FAT1: variants seen among roughly 807,000 people sequenced by gnomAD.
The protein encoded by FAT1 is FAT atypical cadherin 1.
FAT1 carries 171 observed loss-of-function variants against 329.8 expected under a neutral mutation model. The ratio of observed to expected loss-of-function variants is 0.52; its 90% CI spans 0.46 to 0.59. The LOEUF (loss-of-function observed/expected upper bound fraction) is 0.59. FAT1 is among the 20% of genes least tolerant of loss of function. The pLI is 0.00. For missense variants in FAT1, 5,672 were observed against 5,774.4 expected (o/e 0.98, Z 0.57); for synonymous variants, 2,233 against 2,228.6 (o/e 1.00, Z -0.06).
chr4:186,701,459 T>C (rs1744306622), intron 2 of FAT1, among the ~76,000 whole-genome samples: 1 of 152,260 alleles, frequency 6.6e-6, no homozygotes, highest in East Asian at 1.9e-4. Flanking sequence ...TGCTGCCACT[T>C]CAGGGAGGAG....
chr4:186,723,773 T>C lies in FAT1; in HGVS notation c.-128A>G, dbSNP rs979570615. The stretch of plus-strand genomic sequence containing the variant: ...CCGGGGCCCTCGCCGGGCTCGCGCG[T>C]CCGCATGGTACCTGCCGCACGAGCC... On this transcript the variant is annotated 5_prime_UTR_variant, in exon 1 of 27. Transcript: ENST00000441802. 6.7e-6 allele frequency: 1 copy of C among 149,332 alleles called. No individual in the cohort carries two copies. The highest frequency in any genetic ancestry group is 1.5e-5 in the Non-Finnish European group (1 of 67,262). The allele number at this position is 149,332 out of a possible 1,614,324, so 9.3% of individuals were successfully genotyped here.
rs757372391 is a variant in FAT1, at chr4:186,620,159, G to A, written c.6427C>T (p.Leu2143Phe). ...AGATATTCTTTATTTAAGGTGTCAA[G>A]CTCAAATTGCTTTTTCAGTGAAATT... The part of the protein sequence containing the change: ...GEISLKKQFE[L>F]DTLNKEYLVT... Residue 2143 changes from leucine (L) to phenylalanine (F), a missense_variant, in exon 10 of 27, where the codon CTT becomes TTT. Leu to Phe is a conservative substitution (Grantham distance 22, BLOSUM62 0). Around this residue, in one of 2 missense-constraint regions of FAT1, gnomAD observed 3,966 missense variants for 3,915.2 expected, o/e 1.01. Coordinates refer to ENST00000441802, the MANE Select transcript of FAT1 (RefSeq NM_005245.4). 3.7e-6 allele frequency: 6 copies of A among 1,613,872 alleles called. No homozygotes were observed. Among genetic ancestry groups the A allele is most frequent in the Non-Finnish European group, 5.1e-6 (6 of 1,179,902 alleles).
At chr4:186,650,186 G>A (rs559326521) in intron 3 of FAT1, among the ~76,000 whole-genome samples, 2 of 152,326 alleles carry the variant, frequency 1.3e-5, no homozygotes, top group African/African-American at 2.4e-5. Context: ...GGATGCCTCG[G>A]CTCTGGAATG....
In FAT1 at chr4:186,617,935, T is replaced by G; in HGVS notation, c.8651A>C (p.Gln2884Pro). 1.2e-6 allele frequency: 2 copies of G among 1,614,036 alleles called. No homozygotes were observed. Among genetic ancestry groups the G allele is most frequent in the Non-Finnish European group, 1.7e-6 (2 of 1,179,888 alleles). ...ELDHEKRDNY[Q>P]IKVVASDHGE... is the part of the protein sequence containing the mutation. ...ATGATCTGATGCAACCACTTTAATC[T>G]GGTAATTGTCTCTCTTTTCATGGTC... is the stretch of plus-strand genomic sequence containing the variant. The change falls in exon 10 of 27, where the codon CAG (glutamine) becomes CCG (proline). Residue 2884 changes from glutamine to proline, a missense_variant. By Grantham distance (76) the Gln-to-Pro change is moderately conservative. Around this residue, in one of 2 missense-constraint regions of FAT1, gnomAD observed 3,966 missense variants for 3,915.2 expected, o/e 1.01. Transcript: ENST00000441802.
At chr4:186,617,599 C>T (rs781395459) in intron 10 of FAT1, 109 bp downstream of exon 10, 16 of 897,780 alleles carry the variant, frequency 1.8e-5, no homozygotes, top group African/African-American at 3.4e-5. Context: ...ATATTTTTAA[C>T]TAAAATCATC....
intron 9 of FAT1, among the ~76,000 whole-genome samples, chr4:186,622,858 T>C (rs1248856456): frequency 6.6e-6 from 1 of 152,210 alleles, no homozygotes; most frequent in Admixed American, 6.5e-5. Context: ...AAATGAACTA[T>C]TATACTTACC....
chr4:186,594,096 C>G (rs1230884379), intron 26 of FAT1, among the ~76,000 whole-genome samples: 1 of 151,672 alleles, frequency 6.6e-6, no homozygotes, highest in East Asian at 1.9e-4. Flanking sequence ...GACAGAGTCT[C>G]GCTCTGTCGC....
At chr4:186,662,271 G>C (rs576707986) in intron 3 of FAT1, among the ~76,000 whole-genome samples, 1 of 151,900 alleles carries the variant, frequency 6.6e-6, no homozygotes, top group African/African-American at 2.4e-5. Flanking sequence ...TCTTATGTTT[G>C]ACAATGCCTT....
intron 1 of FAT1, among the ~76,000 whole-genome samples, chr4:186,721,403 G>A (rs2126724246): frequency 6.6e-6 from 1 of 152,272 alleles, no homozygotes; most frequent in South Asian, 2.1e-4. Flanking sequence ...AGTGTCTAAG[G>A]ATAAATAAGC....
At chr4:186,690,810 T>G (rs2126658992) in intron 2 of FAT1, among the ~76,000 whole-genome samples, 1 of 152,290 alleles carries the variant, frequency 6.6e-6, no homozygotes, top group Non-Finnish European at 1.5e-5. Flanking sequence ...AAACTGAAAT[T>G]TGCTGTAAGG....
intron 9 of FAT1, among the ~76,000 whole-genome samples, chr4:186,624,195 A>C (rs923786031): frequency 1.5e-5 from 2 of 132,564 alleles, no homozygotes; most frequent in Non-Finnish European, 3.4e-5. Context: ...CACTGACTTT[A>C]GCTACAATAT....
upstream of FAT1, among the ~76,000 whole-genome samples, chr4:186,724,411 C>G (rs976900357): frequency 1.3e-5 from 2 of 152,116 alleles, no homozygotes; most frequent in Non-Finnish European, 2.9e-5. This position sits in a 1 kb window ranked among gnomAD's most constrained non-coding sequence, Gnocchi z 5.3. Flanking sequence ...GAAACGCTTC[C>G]CCCGCGACCT....
At chr4:186,605,333 G>T (rs1739063907) in intron 17 of FAT1, among the ~76,000 whole-genome samples, 2 of 142,376 alleles carry the variant, frequency 1.4e-5, no homozygotes, top group Non-Finnish European at 3.1e-5. Context: ...GGGTAGTGAG[G>T]AGGAGGGGTG....
intron 4 of FAT1, 87 bp downstream of exon 4, chr4:186,639,635 A>G: frequency 1.1e-6 from 1 of 874,766 alleles, no homozygotes; most frequent in Non-Finnish European, 1.8e-6. Context: ...ATAGCTAAGA[A>G]TACTGGTTAA....
Position 186,636,610 on chromosome 4 carries a change from G to T in FAT1, c.3947C>A (p.Ala1316Glu), listed in dbSNP as rs1268221439. The T allele has an allele frequency of 1.2e-6, 2 of 1,612,302 alleles. No individual in the cohort carries two copies. The highest frequency in any genetic ancestry group is 2.7e-5 in the African/African-American group (2 of 74,934). Residue 1316 changes from alanine (A) to glutamate (E), a missense_variant, in exon 5 of 27, where the codon GCA becomes GAA. By Grantham distance (107) the Ala-to-Glu change is moderately radical. Around this residue, in one of 2 missense-constraint regions of FAT1, gnomAD observed 3,966 missense variants for 3,915.2 expected, o/e 1.01. Transcript: ENST00000441802. ...TGAAAGAATATCATATTCTCCAGCT[G>T]CTGAAAACCTCTTGGACGAAACCAC... is the stretch of plus-strand genomic sequence containing the variant. Reference protein sequence around the residue: ...TGVVSSKRFSAAGEYDILSIK... With the variant: ...TGVVSSKRFSEAGEYDILSIK...
chr4:186,650,417 TC>T (rs751364299), intron 3 of FAT1, among the ~76,000 whole-genome samples: 45 of 152,090 alleles, frequency 3.0e-4, no homozygotes, highest in African/African-American at 1.0e-3. Context: ...ACACAAAAGT[TC>T]CAACTCTAAA....
chr4:186,620,475 C>T lies in FAT1; in HGVS notation c.6111G>A (p.Thr2037=), dbSNP rs533960249. ...RTSGVLSTTG[T]PFDREQQEAF... ...CCTCCTGCTGCTCACGATCGAAGGG[C>T]GTGCCAGTGGTTGACAGAACTCCTG... is the stretch of plus-strand genomic sequence containing the variant. The change falls in exon 10 of 27, where the codon ACG becomes ACA. Residue 2037 remains threonine (T), a synonymous_variant. Coordinates refer to ENST00000441802, the MANE Select transcript of FAT1 (RefSeq NM_005245.4). 3.0e-5 allele frequency: 48 copies of T among 1,614,002 alleles called. No individual in the cohort carries two copies. The African/African-American group carries it at 5.9e-4, about 20-fold the overall frequency.
At chr4:186,700,516 T>G (rs1320740821) in intron 2 of FAT1, among the ~76,000 whole-genome samples, 1 of 152,136 alleles carries the variant, frequency 6.6e-6, no homozygotes, top group East Asian at 1.9e-4. Context: ...TGCTGGAAGA[T>G]TCTTACATTC....
At position 186,649,375 on chromosome 4, in the gene FAT1, A is replaced by T. The variant is rs187895509; in HGVS notation, c.3581-9592T>A. On this transcript the variant is annotated intron_variant, in intron 3 of 26. Coordinates refer to ENST00000441802, the MANE Select transcript of FAT1 (RefSeq NM_005245.4). The stretch of plus-strand genomic sequence containing the variant: ...TTGGAAATACCTTTGTGGTGGATTG[A>T]ATGGTGGCTCCTGCCCAAAAGATAC... 5.3e-5 allele frequency among the ~76,000 whole-genome samples: 8 copies of T among 152,316 alleles called. No individual in the cohort carries two copies. In the East Asian group the frequency reaches 1.5e-3, roughly 29 times the overall value.
Sources: gnomAD v4.1 joint callset for allele counts (sites outside exome capture counted in the v4.1 genomes callset) on GRCh38, gnomAD v4.1.1 for gene constraint, gnomAD v4.1.1 regional missense constraint, Gnocchi (gnomAD v3.1) non-coding constraint, MANE v1.5 for transcripts, NCBI Gene and HGNC (gene_info 2026-07-23, HGNC 2026-07-21) for gene names.